Variants in ARHGEF40 observed in about 807,000 individuals in gnomAD.
ARHGEF40 encodes the protein Rho guanine nucleotide exchange factor 40.
A neutral mutation model predicts 165.9 loss-of-function variants in ARHGEF40; 98 were observed. The ratio of observed to expected loss-of-function variants is 0.59; its 90% CI spans 0.50 to 0.70. The LOEUF is 0.70. Ranked by LOEUF, ARHGEF40 falls within the 30% of genes least tolerant of loss-of-function variation. The pLI is 0.00. For synonymous variants in ARHGEF40, 792 were observed against 814.3 expected, an observed-to-expected ratio of 0.97 and a Z score of 0.47; for missense variants, 1,815 against 1,968.0, an observed-to-expected ratio of 0.92 and a Z score of 1.47.
Position 21,075,599 on chromosome 14 carries a change from A to G in ARHGEF40, c.1619-46A>G, listed in dbSNP as rs372104186. The G allele has an allele frequency of 6.2e-7, 1 of 1,613,934 alleles. No individual in the cohort carries two copies. The highest frequency in any genetic ancestry group is 8.5e-7 in the Non-Finnish European group (1 of 1,179,994). ...GAGGCAGGGTGGAAAGGAGGTAGGC[A>G]TGGACTGCTCCCAGCCAGGACAGCC... is the stretch of plus-strand genomic sequence containing the variant. On this transcript the variant is annotated intron_variant, in intron 4 of 23. Coordinates refer to ENST00000298694, the MANE Select transcript of ARHGEF40 (RefSeq NM_018071.5). This position sits in a 1 kb window ranked among gnomAD's most constrained non-coding sequence, Gnocchi z 4.5.
Position 21,070,352 on chromosome 14 carries a change from C to A in ARHGEF40, c.-45C>A. On this transcript the variant is annotated 5_prime_UTR_variant, in exon 1 of 24. Coordinates refer to ENST00000298694, the MANE Select transcript of ARHGEF40 (RefSeq NM_018071.5). The surrounding 1 kb of genome is among the most constrained non-coding windows in gnomAD (Gnocchi z 4.7). ...GGGAGGGAGGCGGTGGCGCGCCCGG[C>A]CCCGCCCGCCCGACCAAGCGTCGGA... The A allele has an allele frequency of 7.1e-7, 1 of 1,405,122 alleles. No homozygotes were observed. 87.0% of individuals were successfully genotyped at this position (1,405,122 alleles called of 1,614,324 possible).
At chr14:21,069,195 C>T (rs1374277377), upstream of ARHGEF40, among the ~76,000 whole-genome samples, 1 of 152,262 alleles carries the variant, frequency 6.6e-6, no homozygotes, top group Non-Finnish European at 1.5e-5. Flanking sequence ...TGCCTCCCCC[C>T]GGGCTCCTGG....
chr14:21,064,864 A>C, the ARHGEF40 span, among the ~76,000 whole-genome samples: 1 of 152,294 alleles, frequency 6.6e-6, no homozygotes, highest in South Asian at 2.1e-4. Context: ...ATGATGGTCC[A>C]CATCTGTCTT....
the ARHGEF40 span, among the ~76,000 whole-genome samples, chr14:21,062,708 A>AGTGTGTGTGTGTGTGTGTGTGTGT: frequency 8.7e-3 from 1,137 of 130,994 alleles, 10 homozygotes; most frequent in Middle Eastern, 0.015. Flanking sequence ...GGCTGGGCAC[A>AGTGTGTGTGTGTGTGTGTGTGTGT]GTGTGTGTGT....
At position 21,075,559 on chromosome 14, in the gene ARHGEF40, G is replaced by C. The variant is rs1887340298; in HGVS notation, c.1618+60G>C. On this transcript the variant is annotated intron_variant, in intron 4 of 23. Coordinates refer to ENST00000298694, the MANE Select transcript of ARHGEF40 (RefSeq NM_018071.5). This position sits in a 1 kb window ranked among gnomAD's most constrained non-coding sequence, Gnocchi z 4.5. Reference sequence around the variant, plus strand: ...CTGGGAAAGAGAAGCAATTGGGTGGGCTTGGGGACTGGGGGAGGCAGGGTG... The same window carrying C: ...CTGGGAAAGAGAAGCAATTGGGTGGCCTTGGGGACTGGGGGAGGCAGGGTG... The C allele has an allele frequency of 1.2e-6, 2 of 1,613,872 alleles. No individual in the cohort carries two copies. The highest frequency in any genetic ancestry group is 2.7e-5 in the African/African-American group (2 of 74,904).
rs764552127 is a variant in ARHGEF40 at position 21,073,039 on chromosome 14, C to G, written c.4-6C>G. Reference sequence around the variant, plus strand: ...AGGGATCTGTAGCCTGGTCCTATCTCTACAGGAGCCTGAGCCAGTGGAGGA... The same window carrying G: ...AGGGATCTGTAGCCTGGTCCTATCTGTACAGGAGCCTGAGCCAGTGGAGGA... On this transcript the variant is annotated splice_region_variant and splice_polypyrimidine_tract_variant and intron_variant, in intron 1 of 23. Coordinates refer to ENST00000298694, the MANE Select transcript of ARHGEF40 (RefSeq NM_018071.5). The surrounding 1 kb of genome is among the most constrained non-coding windows in gnomAD (Gnocchi z 4.6). The G allele has an allele frequency of 1.9e-6, 3 of 1,613,388 alleles. No individual in the cohort carries two copies. Among genetic ancestry groups the G allele is most frequent in the Non-Finnish European group, 2.5e-6 (3 of 1,179,468 alleles).
rs944258498 is a variant in ARHGEF40, at chr14:21,079,128, C to A, written c.2373+118C>A. 2.2e-6 allele frequency: 3 copies of A among 1,336,560 alleles called. No homozygotes were observed. In the South Asian group the frequency reaches 4.3e-5, roughly 19 times the overall value. The allele number at this position is 1,336,560 out of a possible 1,614,324, so 82.8% of individuals were successfully genotyped here. A position where few individuals can be genotyped will look rare whatever the true frequency, so the allele number is the denominator to read the frequency against. ...TAGCCTGGCTTGGTTGAACGCCCCT[C>A]CCTCCTCCTCACATTTGTTGGTCAG... On this transcript the variant is annotated intron_variant, in intron 11 of 23. Coordinates refer to ENST00000298694, the MANE Select transcript of ARHGEF40 (RefSeq NM_018071.5).
intron 11 of ARHGEF40, among the ~76,000 whole-genome samples, chr14:21,080,251 C>G (rs531627328): frequency 0.02 from 2,815 of 140,408 alleles, 108 homozygotes; most frequent in African/African-American, 0.074. Flanking sequence ...CACACACACC[C>G]CTTCTGTACT....
At chr14:21,084,722 G>A (rs1181226501) in intron 17 of ARHGEF40, 31 bp from the exon 18 acceptor site, 1 of 1,602,384 alleles carries the variant, frequency 6.2e-7, no homozygotes, top group South Asian at 1.1e-5. Flanking sequence ...AGGGCCCCTG[G>A]GCCAACCACT....
Position 21,073,616 on chromosome 14 carries a change from T to TA in ARHGEF40, c.202-315dup, listed in dbSNP as rs1398680905. Among the ~76,000 whole-genome samples the TA allele has an allele frequency of 6.6e-6, 1 of 152,176 alleles. No individual in the cohort carries two copies. Among genetic ancestry groups the TA allele is most frequent in the African/African-American group, 2.4e-5 (1 of 41,416 alleles). On this transcript the variant is annotated intron_variant, in intron 2 of 23. Transcript: ENST00000298694. The surrounding 1 kb of genome is among the most constrained non-coding windows in gnomAD (Gnocchi z 4.6). ...AACAGAGATCATTCATTTCTACAGATATAAAGACTCCTAAGAGTCTTTAGC... is the reference window on the plus strand; with the variant it reads ...AACAGAGATCATTCATTTCTACAGATAATAAAGACTCCTAAGAGTCTTTAGC...
chr14:21,088,094 G>A lies in ARHGEF40; in HGVS notation c.4514G>A (p.Arg1505Gln), dbSNP rs114329777. 38 of 1,608,914 alleles carry A rather than the reference G, an allele frequency of 2.4e-5. No homozygotes were observed. In the Middle Eastern group the frequency reaches 1.3e-3, roughly 56 times the overall value. The change falls in exon 22 of 24, where the codon CGA becomes CAA. Residue 1505 changes from arginine to glutamine, a missense_variant. Arg to Gln is a conservative substitution (Grantham distance 43, BLOSUM62 1). Coordinates refer to ENST00000298694, the MANE Select transcript of ARHGEF40 (RefSeq NM_018071.5). ...AGTCGAGGGATCTTAGGGCTATCCC[G>A]ACAGGTAAGTTCCTACAACGAGGCT... ...LASRGILGLSRQSHARALSDP... is the reference protein window; with the variant it reads ...LASRGILGLSQQSHARALSDP...
chr14:21,075,262 G>T lies in ARHGEF40; in HGVS notation c.1451-70G>T. On this transcript the variant is annotated intron_variant, in intron 3 of 23. Transcript: ENST00000298694. The surrounding 1 kb of genome is among the most constrained non-coding windows in gnomAD (Gnocchi z 4.5). The stretch of plus-strand genomic sequence containing the variant: ...GGGAGGGGGCAGGAGGAGGAGCAGG[G>T]TTAGGCTGGGAGCAGAACAACCAGA... 6.3e-7 allele frequency: 1 copy of T among 1,596,636 alleles called. No individual in the cohort carries two copies. The highest frequency in any genetic ancestry group is 8.5e-7 in the Non-Finnish European group (1 of 1,171,728).
rs112878437 is a variant in ARHGEF40, at chr14:21,070,732, C to G, written c.3+333C>G. 1.4e-5 allele frequency: 19 copies of G among 1,373,412 alleles called. No individual in the cohort carries two copies. The highest frequency in any genetic ancestry group is 1.1e-4 in the South Asian group (9 of 79,916). 85.1% of individuals were successfully genotyped at this position (1,373,412 alleles called of 1,614,324 possible). On this transcript the variant is annotated intron_variant, in intron 1 of 23. Coordinates refer to ENST00000298694, the MANE Select transcript of ARHGEF40 (RefSeq NM_018071.5). This position sits in a 1 kb window ranked among gnomAD's most constrained non-coding sequence, Gnocchi z 4.7. ...TTCCTTTCCTGGAGCTTCCCTCCCCCTCCTGGTCCGAGCTCCTTACCCGCG... is the reference window on the plus strand; with the variant it reads ...TTCCTTTCCTGGAGCTTCCCTCCCCGTCCTGGTCCGAGCTCCTTACCCGCG...
upstream of ARHGEF40, among the ~76,000 whole-genome samples, chr14:21,068,702 C>G (rs980807396): frequency 1.3e-5 from 2 of 152,170 alleles, no homozygotes; most frequent in African/African-American, 4.8e-5. Flanking sequence ...GGTCCCCTAG[C>G]CGGGTGTTAG....
intron 15 of ARHGEF40, 148 bp from the exon 16 acceptor site, chr14:21,082,683 A>C (rs977604800): frequency 9.9e-7 from 1 of 1,005,530 alleles, no homozygotes; most frequent in African/African-American, 1.6e-5. Flanking sequence ...TGCTCTCTCC[A>C]CAGGGAGCCC....
chr14:21,075,829 CCTT>C lies in ARHGEF40; in HGVS notation c.1739+70_1739+72del, dbSNP rs781447998. On this transcript the variant is annotated intron_variant, in intron 5 of 23. Coordinates refer to ENST00000298694, the MANE Select transcript of ARHGEF40 (RefSeq NM_018071.5). The surrounding 1 kb of genome is among the most constrained non-coding windows in gnomAD (Gnocchi z 4.5). The stretch of plus-strand genomic sequence containing the variant: ...TCCTGATTCATGAGGACCCTCACCT[CCTT>C]CTTCTCAGGACACTGACCTTCTGAC... 2.0e-5 allele frequency: 31 copies of C among 1,571,822 alleles called. No individual in the cohort carries two copies. The highest frequency in any genetic ancestry group is 5.2e-5 in the Admixed American group (3 of 57,320).
chr14:21,075,368 C>G lies in ARHGEF40; in HGVS notation c.1487C>G (p.Pro496Arg). The G allele has an allele frequency of 2.5e-6, 4 of 1,614,166 alleles. No homozygotes were observed. The highest frequency in any genetic ancestry group is 3.4e-6 in the Non-Finnish European group (4 of 1,180,042). Residue 496 changes from proline to arginine, a missense_variant, in exon 4 of 24, where the codon CCA becomes CGA. Physicochemically the swap from Pro to Arg is moderately radical, Grantham distance 103. Transcript: ENST00000298694. The surrounding 1 kb of genome is among the most constrained non-coding windows in gnomAD (Gnocchi z 4.5). ...CCAGAAGGCCCCCTGTCTGACACTC[C>G]AACACCTCCGCTGGAGACTGTGCAG... ...TGPEGPLSDT[P>R]TPPLETVQEG...
chr14:21,086,954 G>A (rs917212226), intron 19 of ARHGEF40, 47 bp from the exon 20 acceptor site: 15 of 1,473,800 alleles, frequency 1.0e-5, no homozygotes, highest in African/African-American at 9.7e-5. Context: ...GCTAGGGCTA[G>A]AGAGAAGGGC....
rs1358194298 is a variant in ARHGEF40 at position 21,070,355 on chromosome 14, C to T, written c.-42C>T. The T allele has an allele frequency of 1.4e-6, 2 of 1,409,230 alleles. No individual in the cohort carries two copies. Among genetic ancestry groups the T allele is most frequent in the East Asian group, 3.1e-5 (1 of 32,668 alleles). 87.3% of individuals were successfully genotyped at this position (1,409,230 alleles called of 1,614,324 possible). ...AGGGAGGCGGTGGCGCGCCCGGCCCCGCCCGCCCGACCAAGCGTCGGACGC... is the reference window on the plus strand; with the variant it reads ...AGGGAGGCGGTGGCGCGCCCGGCCCTGCCCGCCCGACCAAGCGTCGGACGC... On this transcript the variant is annotated 5_prime_UTR_variant, in exon 1 of 24. Transcript: ENST00000298694. This position sits in a 1 kb window ranked among gnomAD's most constrained non-coding sequence, Gnocchi z 4.7.
Sources: gnomAD v4.1 joint callset for allele counts (sites outside exome capture counted in the v4.1 genomes callset) on GRCh38, gnomAD v4.1.1 for gene constraint, Gnocchi (gnomAD v3.1) non-coding constraint, MANE v1.5 for transcripts, NCBI Gene and HGNC (gene_info 2026-07-23, HGNC 2026-07-21) for gene names.